Variants in TUSC3 observed in about 807,000 individuals in gnomAD.
TUSC3 encodes dolichyl-diphosphooligosaccharide--protein glycosyltransferase subunit TUSC3.
In TUSC3, 45 loss-of-function variants were observed where a neutral mutation model predicts 44.8. The ratio of observed to expected loss-of-function variants is 1.00; its 90% CI spans 0.79 to 1.29. TUSC3 has a LOEUF of 1.29. TUSC3 is among the 50% of genes most tolerant of loss of function. The pLI is 0.00. For missense variants in TUSC3, 519 were observed against 437.9 expected, an observed-to-expected ratio of 1.19 and a Z score of -1.65; for synonymous variants, 212 against 152.9, an observed-to-expected ratio of 1.39 and a Z score of -2.85.
intron 2 of TUSC3, among the ~76,000 whole-genome samples, chr8:15,488,710 T>C (rs532128135): frequency 6.6e-6 from 1 of 152,276 alleles, no homozygotes; most frequent in Admixed American, 6.5e-5. Flanking sequence ...GCTCATTTTC[T>C]TTCTCTCCCA....
intron 6 of TUSC3, among the ~76,000 whole-genome samples, chr8:15,692,367 CCCCCTTTGT>C (rs1348938087): frequency 1.6e-5 from 2 of 127,010 alleles, no homozygotes; most frequent in African/African-American, 5.9e-5. Flanking sequence ...ACCCCCCCCC[CCCCCTTTGT>C]TTTTTTTTTT....
chr8:15,772,656 G>A, the TUSC3 span, among the ~76,000 whole-genome samples: 3 of 152,164 alleles, frequency 2.0e-5, no homozygotes, highest in Admixed American at 6.5e-5. Context: ...TCCTAATTCT[G>A]TGGCAACTAT....
In TUSC3 at chr8:15,509,453, T is replaced by C. The variant is rs566667826; in HGVS notation, n.189+25970T>C. 3.3e-5 allele frequency among the ~76,000 whole-genome samples: 5 copies of C among 151,998 alleles called. No homozygotes were observed. In the South Asian group the frequency reaches 1.0e-3, roughly 32 times the overall value. ...GTGACATCCCATCTCTACTAAAATA[T>C]AAAAATTAGCTAGGTGAGGTGGCAG... On this transcript the variant is annotated intron_variant and non_coding_transcript_variant, in intron 2 of 5. Transcript: ENST00000503191.
intron 1 of TUSC3, among the ~76,000 whole-genome samples, chr8:15,572,510 G>A (rs1802915086): frequency 3.3e-5 from 5 of 152,078 alleles, no homozygotes; most frequent in Admixed American, 3.3e-4. Flanking sequence ...TCTTACCATT[G>A]ATGTGTTCAC....
chr8:15,648,977 C>G (rs1806762743), intron 2 of TUSC3, among the ~76,000 whole-genome samples: 1 of 152,000 alleles, frequency 6.6e-6, no homozygotes, highest in Non-Finnish European at 1.5e-5. Flanking sequence ...CTCATGTCTT[C>G]TGCCAGCATC....
chr8:15,839,785 T>C, the TUSC3 span, among the ~76,000 whole-genome samples: 1 of 152,164 alleles, frequency 6.6e-6, no homozygotes, highest in South Asian at 2.1e-4. Flanking sequence ...GGTAGGAATG[T>C]AAACTAGTTC....
chr8:15,629,231 C>A (rs755392207), intron 2 of TUSC3, among the ~76,000 whole-genome samples: 2 of 151,836 alleles, frequency 1.3e-5, no homozygotes, highest in African/African-American at 4.8e-5. Context: ...TAGAGGGATG[C>A]CTTGGAGTTT....
intron 10 of TUSC3, among the ~76,000 whole-genome samples, chr8:15,763,847 C>G (rs1234714679): frequency 6.6e-6 from 1 of 151,922 alleles, no homozygotes. Flanking sequence ...TTCAAATGAC[C>G]CACTTCACGC....
intron 6 of TUSC3, among the ~76,000 whole-genome samples, chr8:15,701,129 G>C (rs776657769): frequency 6.6e-6 from 1 of 152,046 alleles, no homozygotes; most frequent in Non-Finnish European, 1.5e-5. Context: ...TGTTACAGAA[G>C]TAAAATGTAC....
At chr8:15,463,837 A>C (rs1471810031) in intron 1 of TUSC3, among the ~76,000 whole-genome samples, 1 of 152,200 alleles carries the variant, frequency 6.6e-6, no homozygotes, top group Non-Finnish European at 1.5e-5. Context: ...AGTACCCCAG[A>C]ATATGCTGTA....
chr8:15,617,132 G>GTGTGTGTGTGTGTGTGTGTT (rs375212684), intron 1 of TUSC3, among the ~76,000 whole-genome samples: 2 of 77,614 alleles, frequency 2.6e-5, no homozygotes, highest in African/African-American at 8.6e-5. Flanking sequence ...GTGTGTGTGT[G>GTGTGTGTGTGTGTGTGTGTT]TATATATTTT....
At chr8:15,617,299 C>G (rs1805037572) in intron 1 of TUSC3, among the ~76,000 whole-genome samples, 1 of 151,804 alleles carries the variant, frequency 6.6e-6, no homozygotes, top group Admixed American at 6.6e-5. Flanking sequence ...GCCACCACGC[C>G]TGGCTTATTT....
chr8:15,828,335 TA>T, the TUSC3 span, among the ~76,000 whole-genome samples: 1 of 152,246 alleles, frequency 6.6e-6, no homozygotes, highest in Non-Finnish European at 1.5e-5. Flanking sequence ...ATTGGTTTTA[TA>T]AACCTAGTTT....
chr8:15,835,999 T>G, the TUSC3 span, among the ~76,000 whole-genome samples: 3 of 152,172 alleles, frequency 2.0e-5, no homozygotes, highest in East Asian at 5.8e-4. Context: ...AATTCCACTC[T>G]TTAGCTATAT....
intron 9 of TUSC3, among the ~76,000 whole-genome samples, chr8:15,749,622 G>C (rs1563204535): frequency 6.6e-6 from 1 of 151,554 alleles, no homozygotes; most frequent in Non-Finnish European, 1.5e-5. Flanking sequence ...GAGGCAAGCA[G>C]AGTCTTCAGG....
chr8:15,421,377 T>TA (rs1304456465), intron 1 of TUSC3, among the ~76,000 whole-genome samples: 2 of 151,078 alleles, frequency 1.3e-5, no homozygotes, highest in African/African-American at 4.9e-5. Flanking sequence ...TTTGAGCCCT[T>TA]ACGGTAGTAA....
chr8:15,708,011 C>G (rs1237940657), intron 6 of TUSC3, among the ~76,000 whole-genome samples: 1 of 151,882 alleles, frequency 6.6e-6, no homozygotes, highest in African/African-American at 2.4e-5. Flanking sequence ...CTGTGCTTCT[C>G]TTTGTATCCT....
At chr8:15,438,644 A>G (rs956230075) in intron 1 of TUSC3, among the ~76,000 whole-genome samples, 12 of 152,170 alleles carry the variant, frequency 7.9e-5, no homozygotes, top group Admixed American at 6.5e-4. Flanking sequence ...AGTAAATTGA[A>G]TACTTTACAT....
chr8:15,510,809 A>C (rs1211837127), intron 2 of TUSC3, among the ~76,000 whole-genome samples: 4 of 152,158 alleles, frequency 2.6e-5, no homozygotes, highest in South Asian at 4.1e-4. Context: ...CCTCATGACT[A>C]TGGACACAAA....
Sources: gnomAD v4.1 joint callset for allele counts (sites outside exome capture counted in the v4.1 genomes callset) on GRCh38, gnomAD v4.1.1 for gene constraint, MANE v1.5 for transcripts, NCBI Gene and HGNC (gene_info 2026-07-23, HGNC 2026-07-21) for gene names.